The following PDE4D variants were observed in gnomAD, a reference collection of about 807,000 sequenced individuals.
The protein encoded by PDE4D is phosphodiesterase 4D.
A neutral mutation model predicts 87.4 loss-of-function variants in PDE4D; 24 were observed. The observed-to-expected ratio is 0.27, with a 90% CI of 0.20 to 0.39. The LOEUF is 0.39. PDE4D is among the 10% of genes least tolerant of loss of function. The pLI is 1.00. For missense variants in PDE4D, 714 were observed against 1,041.0 expected, an observed-to-expected ratio of 0.69 and a Z score of 4.32; for synonymous variants, 384 against 383.2, an observed-to-expected ratio of 1.00 and a Z score of -0.02.
At chr5:59,807,009 C>G (rs1356086186) in intron 1 of PDE4D, among the ~76,000 whole-genome samples, 1 of 152,066 alleles carries the variant, frequency 6.6e-6, no homozygotes, top group Non-Finnish European at 1.5e-5. Flanking sequence ...ATCATAAAGG[C>G]AGGACTTTTC....
intron 1 of PDE4D, among the ~76,000 whole-genome samples, chr5:59,826,596 G>A (rs1218758073): frequency 6.6e-6 from 1 of 151,876 alleles, no homozygotes; most frequent in Non-Finnish European, 1.5e-5. Flanking sequence ...TTTTGAATAA[G>A]TACCAAGTAC....
intron 1 of PDE4D, among the ~76,000 whole-genome samples, chr5:59,556,344 T>A (rs1422590530): frequency 6.6e-6 from 1 of 152,182 alleles, no homozygotes; most frequent in Non-Finnish European, 1.5e-5. Flanking sequence ...AGATGTCTGC[T>A]GTGCCAGGTG....
intron 1 of PDE4D, among the ~76,000 whole-genome samples, chr5:60,476,068 A>T (rs958650094): frequency 6.6e-6 from 1 of 152,056 alleles, no homozygotes; most frequent in African/African-American, 2.4e-5. Context: ...AACCCTAGAG[A>T]TTTTTGCTAT....
At chr5:60,097,647 A>T (rs1333924123) in intron 2 of PDE4D, among the ~76,000 whole-genome samples, 1 of 151,964 alleles carries the variant, frequency 6.6e-6, no homozygotes, top group Non-Finnish European at 1.5e-5. Context: ...AGTTATATCA[A>T]ATCCACAGTT....
chr5:60,182,740 C>T (rs909814468), intron 2 of PDE4D, among the ~76,000 whole-genome samples: 3 of 151,798 alleles, frequency 2.0e-5, no homozygotes, highest in African/African-American at 7.3e-5. Flanking sequence ...ATTAGCCGAG[C>T]GTGGTGGCGG....
intron 1 of PDE4D, among the ~76,000 whole-genome samples, chr5:59,794,856 G>A (rs1766276852): frequency 6.6e-6 from 1 of 152,050 alleles, no homozygotes; most frequent in Admixed American, 6.6e-5. Flanking sequence ...GAATGAAAGA[G>A]CTTGTAGATA....
At chr5:59,895,425 A>C (rs1020662953), upstream of PDE4D, among the ~76,000 whole-genome samples, 1 of 152,234 alleles carries the variant, frequency 6.6e-6, no homozygotes, top group Non-Finnish European at 1.5e-5. Flanking sequence ...TTGTGTCTTA[A>C]GAGAAACAAG....
At chr5:60,236,344 T>C (rs1028261080) in intron 1 of PDE4D, among the ~76,000 whole-genome samples, 11 of 151,914 alleles carry the variant, frequency 7.2e-5, no homozygotes, top group Admixed American at 1.3e-4. Flanking sequence ...AAAACAAATA[T>C]TATAGAGGAC....
chr5:59,310,121 C>T (rs1212444019), intron 1 of PDE4D, among the ~76,000 whole-genome samples: 1 of 152,148 alleles, frequency 6.6e-6, no homozygotes, highest in Non-Finnish European at 1.5e-5. Flanking sequence ...GTCACTGTGG[C>T]CCTTTTGGAC....
intron 1 of PDE4D, among the ~76,000 whole-genome samples, chr5:59,610,245 G>T (rs568274231): frequency 6.6e-6 from 1 of 152,330 alleles, no homozygotes; most frequent in South Asian, 2.1e-4. Flanking sequence ...AAGAGGTTGT[G>T]TGAGTTACTG....
chr5:59,320,809 CTTCTT>C (rs528575278), intron 1 of PDE4D, among the ~76,000 whole-genome samples: 240 of 151,996 alleles, frequency 1.6e-3, no homozygotes, highest in East Asian at 7.9e-3. Flanking sequence ...TCCTCTACTC[CTTCTT>C]TTCTTTTCTT....
intron 11 of PDE4D, among the ~76,000 whole-genome samples, chr5:58,987,422 A>G (rs1746721587): frequency 6.6e-6 from 1 of 152,202 alleles, no homozygotes; most frequent in African/African-American, 2.4e-5. Flanking sequence ...ATTAGAGTAT[A>G]TTTTGCTATA....
intron 1 of PDE4D, among the ~76,000 whole-genome samples, chr5:59,348,000 TTTA>T (rs931987151): frequency 7.4e-5 from 11 of 148,802 alleles, no homozygotes; most frequent in Non-Finnish European, 1.4e-4. Flanking sequence ...CTCTATTTAT[TTTA>T]TTTATTGTTA....
intron 3 of PDE4D, among the ~76,000 whole-genome samples, chr5:59,948,155 A>C (rs1757910736): frequency 6.6e-6 from 1 of 152,216 alleles, no homozygotes; most frequent in African/African-American, 2.4e-5. Flanking sequence ...TTGTGAGTGG[A>C]GCTCCTTTAT....
chr5:60,495,045 T>G (rs1165814912), intron 1 of PDE4D, among the ~76,000 whole-genome samples: 1 of 152,056 alleles, frequency 6.6e-6, no homozygotes, highest in Non-Finnish European at 1.5e-5. Context: ...CCTCTCTACC[T>G]CCAGAGCACA....
intron 1 of PDE4D, among the ~76,000 whole-genome samples, chr5:59,553,544 T>C (rs965552963): frequency 1.3e-5 from 2 of 152,188 alleles, no homozygotes; most frequent in Non-Finnish European, 1.5e-5. Flanking sequence ...GTAGTAAGAT[T>C]CCTAACAGAG....
chr5:59,771,462 A>AAAGAGAGAG (rs1561636945), intron 1 of PDE4D, among the ~76,000 whole-genome samples: 13 of 78,808 alleles, frequency 1.6e-4, no homozygotes, highest in African/African-American at 7.5e-4. Flanking sequence ...AGAAAGAAAG[A>AAAGAGAGAG]AAGAAAGAAA....
intron 1 of PDE4D, among the ~76,000 whole-genome samples, chr5:59,807,618 G>A (rs540979559): frequency 4.6e-5 from 7 of 152,104 alleles, no homozygotes; most frequent in African/African-American, 1.7e-4. Flanking sequence ...ATTGGAATCC[G>A]GCCTTCCAGA....
intron 1 of PDE4D, among the ~76,000 whole-genome samples, chr5:59,641,629 A>G (rs1741596871): frequency 6.6e-6 from 1 of 152,230 alleles, no homozygotes; most frequent in Non-Finnish European, 1.5e-5. Flanking sequence ...ACACATCAAT[A>G]CAAAACCAGG....
Sources: allele counts gnomAD v4.1 joint callset (sites outside exome capture counted in the v4.1 genomes callset), GRCh38; gene constraint gnomAD v4.1.1; transcripts MANE v1.5; gene names NCBI Gene and HGNC (gene_info 2026-07-23, HGNC 2026-07-21).